MYO18B: variants seen among roughly 807,000 people sequenced by gnomAD.
The protein encoded by MYO18B is myosin XVIIIB.
In MYO18B, 204 loss-of-function variants were observed where a neutral mutation model predicts 273.0. The observed-to-expected ratio is 0.75, with a 90% CI of 0.67 to 0.84. MYO18B has a LOEUF of 0.84. Ranked by LOEUF, MYO18B falls within the 40% of genes least tolerant of loss-of-function variation. The pLI, the probability that MYO18B is intolerant of heterozygous loss-of-function variation, is 0.00. For synonymous variants in MYO18B, 1,330 were observed against 1,305.7 expected, an observed-to-expected ratio of 1.02 and a Z score of -0.40; for missense variants, 3,212 against 3,287.6, an observed-to-expected ratio of 0.98 and a Z score of 0.56.
At chr22:25,823,294 G>A (rs2089352752) in intron 12 of MYO18B, among the ~76,000 whole-genome samples, 1 of 152,142 alleles carries the variant, frequency 6.6e-6, no homozygotes, top group Non-Finnish European at 1.5e-5. Context: ...TGCAAATGGC[G>A]AGGAAGTCGG....
chr22:26,034,675 T>C (rs1412823860), downstream of MYO18B, among the ~76,000 whole-genome samples: 4 of 152,330 alleles, frequency 2.6e-5, no homozygotes, highest in Middle Eastern at 6.8e-3. Flanking sequence ...GATTAAATGC[T>C]CTCCTGCAAA....
intron 39 of MYO18B, among the ~76,000 whole-genome samples, chr22:25,956,958 C>A (rs532887119): frequency 6.6e-6 from 1 of 152,316 alleles, no homozygotes; most frequent in East Asian, 1.9e-4. Context: ...TGTGAGGGGG[C>A]AGTAAGGCAC....
intron 39 of MYO18B, among the ~76,000 whole-genome samples, chr22:25,990,460 T>C (rs1003746063): frequency 4.0e-5 from 6 of 151,662 alleles, no homozygotes; most frequent in Non-Finnish European, 8.8e-5. Context: ...CCAAGGTGGG[T>C]GAATCACTTG....
intron 42 of MYO18B, among the ~76,000 whole-genome samples, chr22:26,007,140 A>G (rs959940357): frequency 3.3e-5 from 5 of 152,128 alleles, no homozygotes; most frequent in African/African-American, 1.2e-4. Context: ...GCAGGAGGCA[A>G]GGGAGATACT....
intron 25 of MYO18B, among the ~76,000 whole-genome samples, chr22:25,881,732 C>T (rs574672500): frequency 6.6e-6 from 1 of 152,292 alleles, no homozygotes; most frequent in African/African-American, 2.4e-5. Flanking sequence ...CAAACAAATG[C>T]CAACACCTAC....
In MYO18B at chr22:25,775,198, A is replaced by C. The variant is rs565131764; in HGVS notation, c.1870-2385A>C. On this transcript the variant is annotated intron_variant, in intron 7 of 43. Coordinates refer to ENST00000335473, the MANE Select transcript of MYO18B (RefSeq NM_032608.7). The stretch of plus-strand genomic sequence containing the variant: ...TGCCTTAAGCCCTAAGGCTGTGTCC[A>C]GCCAGTGTGGGGGCATATCCCTCCT... Among the ~76,000 whole-genome samples the C allele has an allele frequency of 4.6e-5, 7 of 152,340 alleles. No homozygotes were observed. The South Asian group carries it at 1.4e-3, about 32-fold the overall frequency.
At chr22:25,804,395 C>T (rs1180078351) in intron 12 of MYO18B, among the ~76,000 whole-genome samples, 1 of 152,148 alleles carries the variant, frequency 6.6e-6, no homozygotes, top group Non-Finnish European at 1.5e-5. Context: ...GCTAGATCAC[C>T]GGACCTGAGG....
Position 26,004,787 on chromosome 22 carries a change from C to T in MYO18B, c.6402C>T (p.Ser2134=). The part of the protein sequence containing the change: ...SLQSWLSCTL[S]LATDTMRTPS... ...AGTCCTGGTTGAGCTGTACTCTGTC[C>T]CTGGCCACAGATACTATGAGGACTC... The change falls in exon 42 of 44, where the codon TCC becomes TCT. Residue 2134 remains serine (S), a synonymous_variant. Transcript: ENST00000335473. 6.2e-7 allele frequency: 1 copy of T among 1,613,926 alleles called. No homozygotes were observed. Among genetic ancestry groups the T allele is most frequent in the Non-Finnish European group, 8.5e-7 (1 of 1,179,832 alleles).
chr22:25,914,191 G>C (rs1387180885), intron 33 of MYO18B, among the ~76,000 whole-genome samples: 1 of 151,704 alleles, frequency 6.6e-6, no homozygotes, highest in Non-Finnish European at 1.5e-5. Flanking sequence ...GCTGGGTTTT[G>C]ATAACTCGTA....
At chr22:26,032,919 G>A (rs1936699680), downstream of MYO18B, among the ~76,000 whole-genome samples, 1 of 152,120 alleles carries the variant, frequency 6.6e-6, no homozygotes, top group African/African-American at 2.4e-5. Flanking sequence ...CAATGCAAAA[G>A]GAAGTGGTGA....
Position 25,847,461 on chromosome 22 carries a change from G to A in MYO18B, c.3584G>A (p.Arg1195Gln), listed in dbSNP as rs1429133479. Residue 1195 changes from arginine (R) to glutamine (Q), a missense_variant, in exon 20 of 44, where the codon CGG (arginine) becomes CAG (glutamine). Transcript: ENST00000335473. ...DALTSMIKRS[R>Q]LHFIHCLVPN... ...CTGACCAGCATGATCAAAAGGTCCC[G>A]GCTGCACTTTATCCACTGCCTGGTA... 1.1e-5 allele frequency: 18 copies of A among 1,577,474 alleles called. No individual in the cohort carries two copies. Among genetic ancestry groups the A allele is most frequent in the East Asian group, 4.7e-5 (2 of 42,806 alleles).
intron 12 of MYO18B, among the ~76,000 whole-genome samples, chr22:25,812,043 C>T (rs1282093367): frequency 1.3e-5 from 2 of 152,196 alleles, no homozygotes; most frequent in African/African-American, 4.8e-5. Flanking sequence ...CAGAGAGGTG[C>T]AGCCACTAAT....
rs753489293 is a variant in MYO18B at position 25,876,254 on chromosome 22, G to C, written c.4146G>C (p.Trp1382Cys). The C allele has an allele frequency of 1.1e-4, 174 of 1,613,270 alleles. No homozygotes were observed. Among genetic ancestry groups the C allele is most frequent in the Non-Finnish European group, 1.4e-4 (162 of 1,179,690 alleles). The change falls in exon 24 of 44, where the codon TGG (tryptophan) becomes TGC (cysteine). Residue 1382 changes from tryptophan to cysteine, a missense_variant. Transcript: ENST00000335473. ...NVAVFLAVKD[W>C]PWWQLLGSLQ... ...CTGTGTTCCTCGCAGTCAAGGACTG[G>C]CCATGGTGGCAGCTGCTTGGTTCCC...
intron 43 of MYO18B, chr22:26,028,317 A>G (rs2147030683): frequency 6.6e-6 from 1 of 151,476 alleles, no homozygotes; most frequent in South Asian, 2.1e-4. Flanking sequence ...TCTTTTCTTA[A>G]TGTCATTCCA....
intron 34 of MYO18B, among the ~76,000 whole-genome samples, chr22:25,925,675 C>A (rs11913360): frequency 0.011 from 1,575 of 149,308 alleles, 20 homozygotes; most frequent in African/African-American, 0.035. Flanking sequence ...GAGGCTGAGG[C>A]GGGTGGATCA....
At chr22:25,932,892 G>T (rs1482702189) in intron 34 of MYO18B, among the ~76,000 whole-genome samples, 1 of 151,734 alleles carries the variant, frequency 6.6e-6, no homozygotes, top group African/African-American at 2.4e-5. Context: ...ATATATACTT[G>T]ATTTTGCCTC....
Position 25,797,948 on chromosome 22 carries a change from C to T in MYO18B, c.2377-5C>T, listed in dbSNP as rs761458775. 188 of 1,613,924 alleles carry T rather than the reference C, an allele frequency of 1.2e-4. 1 individual carries two copies. The highest frequency in any genetic ancestry group is 7.5e-4 in the Admixed American group (45 of 60,012). ...TGTTTTCTTCCTCTCTCCCTTTGCC[C>T]GCAGCCTGAAGATAAACAGAAGGCG... On this transcript the variant is annotated splice_region_variant and splice_polypyrimidine_tract_variant and intron_variant, in intron 11 of 43. Transcript: ENST00000335473.
At chr22:25,984,490 A>G (rs2093180359) in intron 39 of MYO18B, among the ~76,000 whole-genome samples, 1 of 152,220 alleles carries the variant, frequency 6.6e-6, no homozygotes, top group African/African-American at 2.4e-5. Context: ...GATTGGGATC[A>G]TTTAAAAATG....
chr22:26,027,654 A>G lies in MYO18B; in HGVS notation c.7680A>G (p.Ile2560Met). Reference sequence around the variant, plus strand: ...GGAAAGACGACGATGTTGCGAGCATAATGAAGAAATACCTCCAGAAGTAGG... The same window carrying G: ...GGAAAGACGACGATGTTGCGAGCATGATGAAGAAATACCTCCAGAAGTAGG... ...TGRKDDDVAS[I>M]MKKYLQK Residue 2560 changes from isoleucine (I) to methionine (M), a missense_variant, in exon 43 of 44, where the codon ATA becomes ATG. Coordinates refer to ENST00000335473, the MANE Select transcript of MYO18B (RefSeq NM_032608.7). This position sits in a 1 kb window ranked among gnomAD's most constrained non-coding sequence, Gnocchi z 4.1. The G allele has an allele frequency of 6.2e-7, 1 of 1,612,936 alleles. No individual in the cohort carries two copies. The highest frequency in any genetic ancestry group is 8.5e-7 in the Non-Finnish European group (1 of 1,179,348).
Sources: gnomAD v4.1 joint callset for allele counts (sites outside exome capture counted in the v4.1 genomes callset) on GRCh38, gnomAD v4.1.1 for gene constraint, Gnocchi (gnomAD v3.1) non-coding constraint, MANE v1.5 for transcripts, NCBI Gene and HGNC (gene_info 2026-07-23, HGNC 2026-07-21) for gene names.